The following SLC14A2 variants were observed in gnomAD, a reference collection of about 807,000 sequenced individuals.
The protein encoded by SLC14A2 is urea transporter 2.
Under a neutral mutation model 104.6 loss-of-function variants are expected in SLC14A2, and 91 were observed. The observed-to-expected ratio is 0.87, with a 90% CI of 0.73 to 1.04. The LOEUF is 1.04. SLC14A2 is among the 50% of genes least tolerant of loss of function. SLC14A2 has a pLI of 0.00. For missense variants in SLC14A2, 1,189 were observed against 1,156.0 expected, an observed-to-expected ratio of 1.03 and a Z score of -0.41; for synonymous variants, 476 against 466.4, an observed-to-expected ratio of 1.02 and a Z score of -0.27.
chr18:45,666,874 G>T (rs1467055043), intron 12 of SLC14A2, 61 bp from the exon 13 acceptor site: 37 of 1,432,676 alleles, frequency 2.6e-5, no homozygotes, highest in Non-Finnish European at 3.5e-5. Context: ...CCACAAACAT[G>T]AATTCTCAGT....
intron 1 of SLC14A2, among the ~76,000 whole-genome samples, chr18:45,306,522 T>G (rs1475965088): frequency 2.0e-5 from 3 of 152,192 alleles, no homozygotes; most frequent in African/African-American, 7.2e-5. Context: ...CAATAACACT[T>G]CATAGGCACT....
At chr18:45,381,941 G>A (rs764836650) in intron 1 of SLC14A2, among the ~76,000 whole-genome samples, 6 of 152,054 alleles carry the variant, frequency 3.9e-5, no homozygotes, top group Non-Finnish European at 8.8e-5. Context: ...AGGGACAATG[G>A]GCTGGGCTGA....
chr18:45,673,102 C>T (rs1599162177), intron 17 of SLC14A2, 55 bp downstream of exon 17: 1 of 1,534,236 alleles, frequency 6.5e-7, no homozygotes, highest in East Asian at 2.3e-5. Context: ...GGGCCAGCTC[C>T]AAATAAAATG....
At chr18:45,190,044 C>T in the SLC14A2 span, among the ~76,000 whole-genome samples, 1 of 152,110 alleles carries the variant, frequency 6.6e-6, no homozygotes, top group Non-Finnish European at 1.5e-5. Context: ...GAACAGGACA[C>T]AGGTCTGTAA....
intron 2 of SLC14A2, among the ~76,000 whole-genome samples, 187 bp from the exon 3 acceptor site, chr18:45,625,496 G>A (rs983403845): frequency 3.9e-5 from 6 of 152,174 alleles, no homozygotes; most frequent in African/African-American, 1.4e-4. Context: ...TGAAGAAGGT[G>A]CATGGTCCTG....
At chr18:45,188,922 G>T in the SLC14A2 span, among the ~76,000 whole-genome samples, 4 of 152,192 alleles carry the variant, frequency 2.6e-5, no homozygotes, top group South Asian at 2.1e-4. Context: ...AACATGCCCA[G>T]AACATCTGAA....
At position 45,301,364 on chromosome 18, in the gene SLC14A2, G is replaced by A. The variant is rs543309624; in HGVS notation, c.-125+88173G>A. Among the ~76,000 whole-genome samples the A allele has an allele frequency of 6.6e-5, 10 of 152,298 alleles. No homozygotes were observed. The East Asian group carries it at 1.7e-3, about 26-fold the overall frequency. ...CCCACTGAGCCTCCACGCTGGGGTGGGAGATGACCACTTCCAGTGGAAAAA... is the reference window on the plus strand; with the variant it reads ...CCCACTGAGCCTCCACGCTGGGGTGAGAGATGACCACTTCCAGTGGAAAAA... On this transcript the variant is annotated intron_variant, in intron 1 of 20. Coordinates refer to the SLC14A2 transcript ENST00000586448.
chr18:45,505,608 G>A (rs951425515), intron 2 of SLC14A2, among the ~76,000 whole-genome samples: 14 of 152,130 alleles, frequency 9.2e-5, no homozygotes, highest in African/African-American at 3.1e-4. Context: ...AGTGTCTTAC[G>A]TGGCATCTGG....
intron 2 of SLC14A2, among the ~76,000 whole-genome samples, chr18:45,582,526 C>A (rs1406078359): frequency 6.6e-6 from 1 of 152,062 alleles, no homozygotes; most frequent in Non-Finnish European, 1.5e-5. Flanking sequence ...ATGAGAAATA[C>A]CCCCACGCTT....
chr18:45,223,573 G>A (rs369884773), intron 1 of SLC14A2, among the ~76,000 whole-genome samples: 24 of 152,324 alleles, frequency 1.6e-4, no homozygotes, highest in African/African-American at 5.5e-4. Context: ...TTTTCATGAT[G>A]TGTGTGTTGG....
chr18:45,518,545 G>A (rs2043473500), intron 2 of SLC14A2, among the ~76,000 whole-genome samples: 1 of 152,162 alleles, frequency 6.6e-6, no homozygotes, highest in South Asian at 2.1e-4. Context: ...CCCTGTAACT[G>A]TTGGAGCTGA....
intron 1 of SLC14A2, among the ~76,000 whole-genome samples, chr18:45,392,983 T>C (rs910352213): frequency 6.6e-6 from 1 of 152,242 alleles, no homozygotes; most frequent in Non-Finnish European, 1.5e-5. Flanking sequence ...TATCTGTTAA[T>C]ATGCTTTTAG....
At chr18:45,306,870 G>A (rs999741336) in intron 1 of SLC14A2, among the ~76,000 whole-genome samples, 4 of 152,120 alleles carry the variant, frequency 2.6e-5, no homozygotes, top group African/African-American at 9.7e-5. Flanking sequence ...ACTCTTTCTG[G>A]AGGCCACAAG....
chr18:45,249,591 A>T (rs2084401841), intron 1 of SLC14A2, among the ~76,000 whole-genome samples: 1 of 152,192 alleles, frequency 6.6e-6, no homozygotes, highest in Non-Finnish European at 1.5e-5. Context: ...CTGTCTGATG[A>T]ATAGTCTCTC....
intron 1 of SLC14A2, among the ~76,000 whole-genome samples, chr18:45,425,930 G>C (rs1465894278): frequency 2.0e-5 from 3 of 152,086 alleles, no homozygotes; most frequent in African/African-American, 7.2e-5. Context: ...CCCGACTTCA[G>C]AAAAGGTGCT....
intron 1 of SLC14A2, among the ~76,000 whole-genome samples, chr18:45,432,596 T>A (rs1246339007): frequency 6.6e-6 from 1 of 152,088 alleles, no homozygotes; most frequent in African/African-American, 2.4e-5. Context: ...CAACTGCAAT[T>A]TCTCTGCAGC....
intron 1 of SLC14A2, among the ~76,000 whole-genome samples, chr18:45,272,696 C>A (rs1200821529): frequency 6.6e-6 from 1 of 151,984 alleles, no homozygotes; most frequent in Non-Finnish European, 1.5e-5. Context: ...TTTGGAAGCA[C>A]AATAGGGTGA....
intron 2 of SLC14A2, among the ~76,000 whole-genome samples, chr18:45,514,298 G>T (rs541418280): frequency 2.6e-5 from 4 of 152,156 alleles, no homozygotes; most frequent in Non-Finnish European, 5.9e-5. Context: ...ACTGACGGGA[G>T]AGAGATAGCA....
the SLC14A2 span, among the ~76,000 whole-genome samples, chr18:45,176,147 C>G: frequency 7.2e-5 from 11 of 152,226 alleles, no homozygotes; most frequent in African/African-American, 2.6e-4. Context: ...CTTGCCCACT[C>G]GAAGTTGTAA....
Sources: allele counts gnomAD v4.1 joint callset (sites outside exome capture counted in the v4.1 genomes callset), GRCh38; gene constraint gnomAD v4.1.1; transcripts MANE v1.5; gene names NCBI Gene and HGNC (gene_info 2026-07-23, HGNC 2026-07-21).